STON1: variants seen among roughly 807,000 people sequenced by gnomAD.
STON1 encodes stonin-1.
In STON1, 79 loss-of-function variants were observed where a neutral mutation model predicts 60.9. The observed-to-expected ratio is 1.30, with a 90% CI of 1.08 to 1.56. The LOEUF (loss-of-function observed/expected upper bound fraction) is 1.56, where lower values mean the gene tolerates loss of function less well. Ranked by LOEUF, STON1 falls within the 40% of genes most tolerant of loss-of-function variation. The pLI is 0.00. For missense variants in STON1, 1,166 were observed against 858.9 expected (o/e 1.36, Z -4.47); for synonymous variants, 363 against 306.9 (o/e 1.18, Z -1.91).
intron 1 of STON1, among the ~76,000 whole-genome samples, chr2:48,561,886 A>T (rs1011598170): frequency 2.6e-5 from 4 of 152,162 alleles, no homozygotes; most frequent in Admixed American, 1.3e-4. Flanking sequence ...TTTGAAACAG[A>T]GTCTCACTCT....
chr2:48,549,980 G>A (rs1257638677), intron 1 of STON1, among the ~76,000 whole-genome samples: 2 of 151,860 alleles, frequency 1.3e-5, no homozygotes, highest in Non-Finnish European at 2.9e-5. Flanking sequence ...CAGGAGGGAA[G>A]AGTACTGGCT....
chr2:48,535,713 T>C (rs1214943928), intron 1 of STON1, among the ~76,000 whole-genome samples: 1 of 152,170 alleles, frequency 6.6e-6, no homozygotes, highest in East Asian at 1.9e-4. Context: ...AAATTTTCTC[T>C]AAAATGTTCC....
intron 3 of STON1, among the ~76,000 whole-genome samples, chr2:48,592,407 G>T (rs1443535670): frequency 6.6e-6 from 1 of 150,802 alleles, no homozygotes; most frequent in East Asian, 1.9e-4. Context: ...TTTAGGAAAT[G>T]CTGAGTTACT....
intron 1 of STON1, among the ~76,000 whole-genome samples, chr2:48,564,017 GA>G (rs954807317): frequency 5.9e-5 from 9 of 152,148 alleles, no homozygotes; most frequent in African/African-American, 2.2e-4. Context: ...GGTTCTTAAG[GA>G]AAACTACCTG....
chr2:48,543,848 T>C (rs1224542862), intron 1 of STON1, among the ~76,000 whole-genome samples: 3 of 152,100 alleles, frequency 2.0e-5, no homozygotes, highest in Non-Finnish European at 4.4e-5. Context: ...ACATTTTAAA[T>C]GAAAAGACCC....
intron 1 of STON1, among the ~76,000 whole-genome samples, chr2:48,569,669 T>G (rs1469268181): frequency 6.6e-6 from 1 of 152,220 alleles, no homozygotes; most frequent in Non-Finnish European, 1.5e-5. Context: ...GCTTGAAAGA[T>G]TTTATCTTCA....
chr2:48,595,126 A>AGGTTTGTGC (rs1674725867), intron 3 of STON1, 102 bp from the exon 4 acceptor site: 2 of 870,268 alleles, frequency 2.3e-6, no homozygotes, highest in Non-Finnish European at 1.9e-6. Context: ...CCAAAGGGTG[A>AGGTTTGTGC]GGTTTGTGCA....
In STON1 at chr2:48,581,359, A is replaced by G. The variant is rs1673872824; in HGVS notation, c.726A>G (p.Gln242=). 1 of 1,564,314 alleles carries G rather than the reference A, an allele frequency of 6.4e-7. No individual in the cohort carries two copies. Among genetic ancestry groups the G allele is most frequent in the Non-Finnish European group, 8.6e-7 (1 of 1,156,550 alleles). The change falls in exon 2 of 4, where the codon CAA becomes CAG. Residue 242 remains glutamine (Q), a synonymous_variant. Transcript: ENST00000404752. ...AACATCTCCAGTCAGCTGAGAACCAAGACTCACTTAGAAGTTTGTCTATGC... is the reference window on the plus strand; with the variant it reads ...AACATCTCCAGTCAGCTGAGAACCAGGACTCACTTAGAAGTTTGTCTATGC... ...KLEHLQSAEN[Q]DSLRSLSMHC...
intron 1 of STON1, among the ~76,000 whole-genome samples, chr2:48,548,185 G>A (rs1671939126): frequency 6.6e-6 from 1 of 152,226 alleles, no homozygotes; most frequent in African/African-American, 2.4e-5. Flanking sequence ...AATTTTTACA[G>A]GTAGTGGACT....
At chr2:48,565,977 T>C (rs1361245874) in intron 1 of STON1, among the ~76,000 whole-genome samples, 1 of 152,196 alleles carries the variant, frequency 6.6e-6, no homozygotes, top group Non-Finnish European at 1.5e-5. Flanking sequence ...AAATCTTCTC[T>C]TTGTTCATGT....
intron 1 of STON1, among the ~76,000 whole-genome samples, chr2:48,547,145 C>T (rs1177668320): frequency 6.6e-6 from 1 of 152,196 alleles, no homozygotes; most frequent in African/African-American, 2.4e-5. Context: ...TGTTTATCTT[C>T]TCAGCTATGT....
chr2:48,597,028 T>G lies in STON1; in HGVS notation c.*1726T>G, dbSNP rs1234101432. On this transcript the variant is annotated 3_prime_UTR_variant, in exon 4 of 4. Transcript: ENST00000404752. ...CATGCCTGGCTAAAATTCTTTTGTA[T>G]TTTTACTACAGACGGAGTTTCCCCA... The G allele has an allele frequency of 6.6e-6, 1 of 152,156 alleles. No individual in the cohort carries two copies. The highest frequency in any genetic ancestry group is 1.5e-5 in the Non-Finnish European group (1 of 68,042). 9.4% of individuals were successfully genotyped at this position (152,156 alleles called of 1,614,324 possible).
At chr2:48,594,609 A>T (rs1393303456) in intron 3 of STON1, among the ~76,000 whole-genome samples, 1 of 152,112 alleles carries the variant, frequency 6.6e-6, no homozygotes, top group Non-Finnish European at 1.5e-5. Flanking sequence ...AAATTCCAAG[A>T]AGGTAATAAA....
intron 1 of STON1, among the ~76,000 whole-genome samples, chr2:48,536,476 A>G (rs1244983277): frequency 7.0e-6 from 1 of 142,848 alleles, no homozygotes; most frequent in East Asian, 2.2e-4. Context: ...TGAACCTGGG[A>G]GGCGGAGGTT....
intron 1 of STON1, among the ~76,000 whole-genome samples, chr2:48,536,630 T>C (rs982867407): frequency 1.3e-5 from 2 of 152,160 alleles, no homozygotes; most frequent in Non-Finnish European, 2.9e-5. Flanking sequence ...ATTATTACTT[T>C]TTTATTTTTT....
rs557111379 is a variant in STON1, at chr2:48,548,959, A to C, written c.-48+18743A>C. 5.3e-5 allele frequency among the ~76,000 whole-genome samples: 8 copies of C among 152,348 alleles called. No individual in the cohort carries two copies. The East Asian group carries it at 1.5e-3, about 29-fold the overall frequency. ...TCTAAGCTCCTTTGTGCACATGAAG[A>C]AAAATGCCCAGAGAAGTTAGTGACT... On this transcript the variant is annotated intron_variant, in intron 1 of 3. Coordinates refer to ENST00000404752, the MANE Select transcript of STON1 (RefSeq NM_006873.4).
chr2:48,536,186 C>T (rs1671419701), intron 1 of STON1, among the ~76,000 whole-genome samples: 1 of 152,156 alleles, frequency 6.6e-6, no homozygotes, highest in African/African-American at 2.4e-5. Context: ...CTCTCAGTCT[C>T]CTCATCTATG....
intron 1 of STON1, among the ~76,000 whole-genome samples, chr2:48,570,999 A>G (rs1303945097): frequency 6.6e-6 from 1 of 151,822 alleles, no homozygotes; most frequent in Non-Finnish European, 1.5e-5. Context: ...AGTAGCTGTG[A>G]GGAGCACCAC....
In STON1 at chr2:48,582,022, G is replaced by A; in HGVS notation, c.1389G>A (p.Leu463=). Residue 463 remains leucine, a synonymous_variant, in exon 2 of 4, where the codon TTG becomes TTA. Transcript: ENST00000404752. ...ECFLTLNDLE[L]PKRDESYYEK... Reference sequence around the variant, plus strand: ...TTTTAACCTTGAATGACCTTGAGTTGCCGAAGCGAGATGAATCCTATTATG... The same window carrying A: ...TTTTAACCTTGAATGACCTTGAGTTACCGAAGCGAGATGAATCCTATTATG... 6.2e-7 allele frequency: 1 copy of A among 1,614,162 alleles called. No individual in the cohort carries two copies. The highest frequency in any genetic ancestry group is 8.5e-7 in the Non-Finnish European group (1 of 1,180,036).
Sources: allele counts gnomAD v4.1 joint callset (sites outside exome capture counted in the v4.1 genomes callset), GRCh38; gene constraint gnomAD v4.1.1; transcripts MANE v1.5; gene names NCBI Gene and HGNC (gene_info 2026-07-23, HGNC 2026-07-21).